RNF180: variants seen among roughly 807,000 people sequenced by gnomAD.
The protein encoded by RNF180 is E3 ubiquitin-protein ligase RNF180.
In RNF180, 38 loss-of-function variants were observed where a neutral mutation model predicts 59.2. The ratio of observed to expected loss-of-function variants is 0.64; its 90% CI spans 0.50 to 0.84. The LOEUF (loss-of-function observed/expected upper bound fraction) is 0.84, where lower values mean the gene tolerates loss of function less well. Among genes scored for constraint, RNF180 ranks in the 40% least tolerant of loss-of-function variants. The probability of loss-of-function intolerance (pLI) is 0.00; values close to 1 mark genes in which losing one functional copy is unlikely to be tolerated. For synonymous variants in RNF180, 262 were observed against 240.3 expected, an observed-to-expected ratio of 1.09 and a Z score of -0.84; for missense variants, 705 against 700.9, an observed-to-expected ratio of 1.01 and a Z score of -0.07.
At chr5:64,290,330 C>T (rs530789687) in intron 5 of RNF180, among the ~76,000 whole-genome samples, 3 of 152,128 alleles carry the variant, frequency 2.0e-5, no homozygotes, top group East Asian at 1.9e-4. Flanking sequence ...TGCCATGTGG[C>T]GATGAGAATA....
chr5:64,278,510 CA>C (rs1741842317), intron 5 of RNF180, among the ~76,000 whole-genome samples: 1 of 152,040 alleles, frequency 6.6e-6, no homozygotes, highest in Admixed American at 6.6e-5. Context: ...GAGGTGGTAA[CA>C]GTGGCAAAAG....
Position 64,234,578 on chromosome 5 carries a change from C to CTTTTTTTTTTTT in RNF180, c.1227+17210_1227+17221dup, listed in dbSNP as rs1171637074. Among the ~76,000 whole-genome samples, 128 of 48,524 alleles carry CTTTTTTTTTTTT rather than the reference C, an allele frequency of 2.6e-3. 45 individuals carry two copies. The highest frequency in any genetic ancestry group is 3.7e-3 in the Non-Finnish European group (96 of 26,118). 31.8% of individuals were successfully genotyped at this position (48,524 alleles called of 152,430 possible). A position where few individuals can be genotyped will look rare whatever the true frequency, so the allele number is the denominator to read the frequency against. On this transcript the variant is annotated intron_variant, in intron 5 of 7. Coordinates refer to ENST00000389100, the MANE Select transcript of RNF180 (RefSeq NM_001113561.2). ...GCTTTCCAAATGGCAGTTACCCGTT[C>CTTTTTTTTTTTT]TTTTTTTTTTTTTTTTTTTTTTTTT...
intron 1 of RNF180, among the ~76,000 whole-genome samples, chr5:64,184,033 G>C (rs748289913): frequency 2.0e-5 from 3 of 152,120 alleles, no homozygotes; most frequent in Non-Finnish European, 2.9e-5. Context: ...AATCTGACTG[G>C]TATCCTTATA....
chr5:64,296,786 T>C (rs10063060), intron 5 of RNF180, among the ~76,000 whole-genome samples: 119 of 152,098 alleles, frequency 7.8e-4, no homozygotes, highest in African/African-American at 2.9e-3. Flanking sequence ...AGTTGGAGCT[T>C]CTGCTACCTC....
In RNF180 at chr5:64,219,076, A is replaced by C. The variant is rs561432611; in HGVS notation, c.1227+1680A>C. On this transcript the variant is annotated intron_variant, in intron 5 of 7. Coordinates refer to ENST00000389100, the MANE Select transcript of RNF180 (RefSeq NM_001113561.2). ...CAGAAATCCTTGTCTTCTTCCTGAT[A>C]TTAGCATGAAAGCATTCATTCACCA... 3.3e-5 allele frequency among the ~76,000 whole-genome samples: 5 copies of C among 152,326 alleles called. No homozygotes were observed. In the South Asian group the frequency reaches 1.0e-3, roughly 32 times the overall value.
chr5:64,278,022 A>G (rs1344950896), intron 5 of RNF180, among the ~76,000 whole-genome samples: 1 of 152,206 alleles, frequency 6.6e-6, no homozygotes, highest in Non-Finnish European at 1.5e-5. Context: ...TGCCTTAATC[A>G]GTATTATATT....
chr5:64,336,492 A>G (rs1354944334), intron 7 of RNF180, among the ~76,000 whole-genome samples: 1 of 152,216 alleles, frequency 6.6e-6, no homozygotes. Flanking sequence ...ATAGGCTCCA[A>G]AGCAGAATGT....
At position 64,371,861 on chromosome 5, in the gene RNF180, A is replaced by G. The variant is rs1258128037; in HGVS notation, c.*2047A>G. On this transcript the variant is annotated 3_prime_UTR_variant, in exon 8 of 8. Coordinates refer to ENST00000389100, the MANE Select transcript of RNF180 (RefSeq NM_001113561.2). ...GATCTACCAGCTTATAAGAAGCCAG[A>G]TAAAATCTCAGATGGAAAGAAACCA... The G allele has an allele frequency of 1.3e-5, 2 of 151,668 alleles. No homozygotes were observed. Among genetic ancestry groups the G allele is most frequent in the African/African-American group, 2.4e-5 (1 of 41,410 alleles). 9.4% of individuals were successfully genotyped at this position (151,668 alleles called of 1,614,324 possible). A position where few individuals can be genotyped will look rare whatever the true frequency, so the allele number is the denominator to read the frequency against.
chr5:64,225,670 G>T (rs1398556471), intron 5 of RNF180, among the ~76,000 whole-genome samples: 3 of 139,206 alleles, frequency 2.2e-5, no homozygotes, highest in Non-Finnish European at 4.6e-5. Context: ...CCTCTGCCCG[G>T]CTGCCCCGTC....
At chr5:64,366,410 C>A (rs1268114301) in intron 7 of RNF180, among the ~76,000 whole-genome samples, 1 of 151,340 alleles carries the variant, frequency 6.6e-6, no homozygotes, top group Admixed American at 6.6e-5. Flanking sequence ...CATTTCCACC[C>A]TGGAGAATGT....
At chr5:64,309,517 T>G (rs1743647784) in intron 5 of RNF180, among the ~76,000 whole-genome samples, 1 of 151,644 alleles carries the variant, frequency 6.6e-6, no homozygotes, top group East Asian at 1.9e-4. Context: ...TAATGTAAAT[T>G]TTTTTGTTTT....
At chr5:64,272,292 A>C (rs565141203) in intron 5 of RNF180, among the ~76,000 whole-genome samples, 3 of 152,184 alleles carry the variant, frequency 2.0e-5, no homozygotes, top group African/African-American at 7.2e-5. Context: ...TTTGGCCAAG[A>C]TCTAGTAAAT....
intron 5 of RNF180, among the ~76,000 whole-genome samples, chr5:64,250,632 A>G (rs1027429660): frequency 2.0e-5 from 3 of 152,178 alleles, no homozygotes; most frequent in African/African-American, 7.2e-5. Context: ...ATGAACAATT[A>G]TACACCAACA....
At chr5:64,336,529 G>A (rs762326570) in intron 7 of RNF180, among the ~76,000 whole-genome samples, 3 of 152,174 alleles carry the variant, frequency 2.0e-5, no homozygotes, top group Non-Finnish European at 2.9e-5. Flanking sequence ...GAGTATGCTT[G>A]ACTAAATATT....
chr5:64,193,774 G>A (rs1458020100), intron 1 of RNF180, among the ~76,000 whole-genome samples: 1 of 152,090 alleles, frequency 6.6e-6, no homozygotes, highest in Non-Finnish European at 1.5e-5. Context: ...CCCTGTATGG[G>A]CAATGGTGGG....
intron 5 of RNF180, among the ~76,000 whole-genome samples, chr5:64,250,255 T>C (rs997242774): frequency 2.2e-4 from 33 of 152,084 alleles, no homozygotes; most frequent in African/African-American, 7.2e-4. Flanking sequence ...ATTTAAAAAA[T>C]TGTTGTGGGA....
intron 7 of RNF180, among the ~76,000 whole-genome samples, chr5:64,362,114 G>A (rs1164636383): frequency 6.6e-6 from 1 of 151,052 alleles, no homozygotes; most frequent in Non-Finnish European, 1.5e-5. Flanking sequence ...AGGTTCATGG[G>A]TACATGTGCA....
At chr5:64,331,956 C>CAA (rs1744928815) in intron 7 of RNF180, among the ~76,000 whole-genome samples, 1 of 152,060 alleles carries the variant, frequency 6.6e-6, no homozygotes. Context: ...AAGTATATCT[C>CAA]ATCCAGCCAC....
intron 5 of RNF180, among the ~76,000 whole-genome samples, chr5:64,295,550 T>G (rs972249611): frequency 1.3e-4 from 20 of 152,188 alleles, no homozygotes; most frequent in Non-Finnish European, 2.9e-4. Flanking sequence ...TGATACTAAT[T>G]AAAGGCCTAC....
Sources: allele counts gnomAD v4.1 joint callset (sites outside exome capture counted in the v4.1 genomes callset), GRCh38; gene constraint gnomAD v4.1.1; transcripts MANE v1.5; gene names NCBI Gene and HGNC (gene_info 2026-07-23, HGNC 2026-07-21).